The following MAML3 variants were observed in gnomAD, a reference collection of about 807,000 sequenced individuals.
MAML3 encodes the protein mastermind like transcriptional coactivator 3.
Under a neutral mutation model 101.9 loss-of-function variants are expected in MAML3, and 27 were observed. That is an observed-to-expected ratio of 0.27 (90% CI 0.20 to 0.37). The LOEUF (loss-of-function observed/expected upper bound fraction) is 0.37, where lower values mean the gene tolerates loss of function less well. Ranked by LOEUF, MAML3 falls within the 10% of genes least tolerant of loss-of-function variation. MAML3 has a pLI of 1.00. For synonymous variants in MAML3, 501 were observed against 555.9 expected (o/e 0.90, Z 1.39); for missense variants, 1,316 against 1,444.9 (o/e 0.91, Z 1.45).
chr4:140,128,879 A>C (rs1356221649), intron 1 of MAML3, among the ~76,000 whole-genome samples: 3 of 152,174 alleles, frequency 2.0e-5, no homozygotes, highest in African/African-American at 7.2e-5. Flanking sequence ...AACAAGTAAC[A>C]ACTAGGTGTG....
intron 1 of MAML3, among the ~76,000 whole-genome samples, chr4:140,071,967 G>C (rs1727663583): frequency 6.6e-6 from 1 of 152,154 alleles, no homozygotes; most frequent in South Asian, 2.1e-4. Context: ...ATGAACCCAT[G>C]TGGTGGACGT....
At chr4:139,748,999 C>T (rs1391109161) in intron 2 of MAML3, among the ~76,000 whole-genome samples, 1 of 152,150 alleles carries the variant, frequency 6.6e-6, no homozygotes. Context: ...CTTGAAGTTC[C>T]AGAGGGCACC....
intron 1 of MAML3, among the ~76,000 whole-genome samples, chr4:139,960,339 A>G (rs1017292049): frequency 4.5e-4 from 69 of 152,216 alleles, no homozygotes; most frequent in African/African-American, 1.6e-3. Context: ...TGGCTTCAGC[A>G]TTGCATTTGC....
chr4:139,949,564 C>T (rs1007663564), intron 1 of MAML3, among the ~76,000 whole-genome samples: 7 of 152,124 alleles, frequency 4.6e-5, no homozygotes, highest in South Asian at 2.1e-4. Flanking sequence ...TAAAGAAATA[C>T]CCATCATTTG....
At chr4:139,830,490 C>T (rs1417343515) in intron 2 of MAML3, among the ~76,000 whole-genome samples, 1 of 148,174 alleles carries the variant, frequency 6.7e-6, no homozygotes, top group Admixed American at 6.7e-5. Context: ...TCTCGGCTCA[C>T]TGCAAGCGCC....
intron 2 of MAML3, among the ~76,000 whole-genome samples, chr4:139,834,108 T>G (rs1012046147): frequency 4.6e-5 from 7 of 152,166 alleles, no homozygotes; most frequent in African/African-American, 1.7e-4. Flanking sequence ...GAAATAGAAA[T>G]GGCAAATAGA....
In MAML3 at chr4:140,042,952, G is replaced by A. The variant is rs117439529; in HGVS notation, c.468+109908C>T. 7.2e-4 allele frequency among the ~76,000 whole-genome samples: 110 copies of A among 152,278 alleles called. 1 individual carries two copies. The East Asian group carries it at 0.02, about 28-fold the overall frequency. ...AAGTCTCAGAGGCATTTAGACTTGA[G>A]TGGTGTAATGCCCTTACAGGCTCAG... On this transcript the variant is annotated intron_variant, in intron 1 of 4. Transcript: ENST00000509479.
intron 2 of MAML3, among the ~76,000 whole-genome samples, chr4:139,858,452 C>CT (rs59968954): frequency 1.3e-3 from 168 of 131,348 alleles, no homozygotes; most frequent in Middle Eastern, 3.8e-3. Flanking sequence ...TGATTCTTGG[C>CT]TTTTTTTTTT....
chr4:140,134,911 G>C (rs1728859884), intron 1 of MAML3, among the ~76,000 whole-genome samples: 1 of 152,240 alleles, frequency 6.6e-6, no homozygotes, highest in Non-Finnish European at 1.5e-5. Flanking sequence ...GATTCTCTCT[G>C]AGCCTCGCCT....
intron 2 of MAML3, among the ~76,000 whole-genome samples, chr4:139,791,482 GAC>G (rs1730411567): frequency 8.3e-6 from 1 of 119,798 alleles, no homozygotes; most frequent in Non-Finnish European, 1.6e-5. Context: ...CAGCCCAGGA[GAC>G]AGAGTGAGAC....
intron 2 of MAML3, among the ~76,000 whole-genome samples, chr4:139,836,337 GA>G (rs1410234701): frequency 6.6e-6 from 1 of 152,090 alleles, no homozygotes; most frequent in Non-Finnish European, 1.5e-5. Context: ...ATCAGTAAAT[GA>G]AAAAAGCTAG....
chr4:139,896,998 CCAGAGTGT>C (rs1354552423), intron 1 of MAML3, among the ~76,000 whole-genome samples: 1 of 152,114 alleles, frequency 6.6e-6, no homozygotes, highest in Non-Finnish European at 1.5e-5. Flanking sequence ...GTTCCATGGG[CCAGAGTGT>C]CCATGACAAA....
chr4:140,092,088 G>GTATATATATATATATACGTA (rs371237469), intron 1 of MAML3, among the ~76,000 whole-genome samples: 9 of 76,104 alleles, frequency 1.2e-4, no homozygotes, highest in African/African-American at 3.6e-4. Context: ...ATATATATAC[G>GTATATATATATATATACGTA]TATATATATA....
At chr4:140,091,894 A>T (rs994559639) in intron 1 of MAML3, among the ~76,000 whole-genome samples, 7 of 151,944 alleles carry the variant, frequency 4.6e-5, no homozygotes, top group Non-Finnish European at 8.8e-5. Context: ...TCTCCTTACT[A>T]AGGATCCCCA....
At chr4:140,124,929 T>C (rs959303690) in intron 1 of MAML3, among the ~76,000 whole-genome samples, 8 of 152,196 alleles carry the variant, frequency 5.3e-5, no homozygotes, top group African/African-American at 1.9e-4. Flanking sequence ...ATAGAGGCCC[T>C]ATATCCAATG....
At chr4:139,927,398 GTTACT>G (rs1733287393) in intron 1 of MAML3, among the ~76,000 whole-genome samples, 1 of 152,174 alleles carries the variant, frequency 6.6e-6, no homozygotes, top group Admixed American at 6.5e-5. Context: ...TCACTGTAAA[GTTACT>G]TAATTTTTCC....
rs191459320 is a variant in MAML3 at position 139,864,417 on chromosome 4, G to A, written c.2079+24940C>T. On this transcript the variant is annotated intron_variant, in intron 2 of 4. Transcript: ENST00000509479. ...TCATGGGCCAGGTGCGGCGGCTCAC[G>A]CCTGTAATCCCAGCACTTTGGGAGG... Among the ~76,000 whole-genome samples, 1,231 of 152,152 alleles carry A rather than the reference G, an allele frequency of 8.1e-3. 22 individuals are homozygous for A. Among genetic ancestry groups the A allele is most frequent in the African/African-American group, 0.028 (1,180 of 41,512 alleles).
intron 1 of MAML3, among the ~76,000 whole-genome samples, chr4:140,125,497 T>G (rs901294248): frequency 1.3e-5 from 2 of 152,202 alleles, no homozygotes; most frequent in Non-Finnish European, 2.9e-5. Context: ...TCACATGACT[T>G]TATTCTTATT....
chr4:139,824,145 G>A (rs551208500), intron 2 of MAML3, among the ~76,000 whole-genome samples: 4 of 152,212 alleles, frequency 2.6e-5, no homozygotes, highest in African/African-American at 9.6e-5. Flanking sequence ...CCCCCAGCTT[G>A]GAATTTATTT....
Sources: gnomAD v4.1 joint callset for allele counts (sites outside exome capture counted in the v4.1 genomes callset) on GRCh38, gnomAD v4.1.1 for gene constraint, MANE v1.5 for transcripts, NCBI Gene and HGNC (gene_info 2026-07-23, HGNC 2026-07-21) for gene names.